CDC14B: variants seen among roughly 807,000 people sequenced by gnomAD.
CDC14B encodes the protein dual specificity protein phosphatase CDC14B.
A neutral mutation model predicts 64.2 loss-of-function variants in CDC14B; 22 were observed. The observed-to-expected ratio is 0.34, with a 90% confidence interval of 0.24 to 0.49. CDC14B has a LOEUF of 0.49. Among genes scored for constraint, CDC14B ranks in the 20% least tolerant of loss-of-function variants. The probability of loss-of-function intolerance (pLI) is 0.99; values close to 1 mark genes in which losing one functional copy is unlikely to be tolerated. For synonymous variants in CDC14B, 191 were observed against 215.8 expected (o/e 0.89, Z 1.01); for missense variants, 498 against 629.9 (o/e 0.79, Z 2.24).
intron 3 of CDC14B, among the ~76,000 whole-genome samples, chr9:96,563,743 G>A (rs1356429846): frequency 6.6e-6 from 1 of 151,250 alleles, no homozygotes; most frequent in Non-Finnish European, 1.5e-5. Context: ...AGATGGTTGA[G>A]TACAGGAAAA....
At chr9:96,611,376 A>G (rs1847312862) in intron 1 of CDC14B, among the ~76,000 whole-genome samples, 1 of 152,216 alleles carries the variant, frequency 6.6e-6, no homozygotes, top group Non-Finnish European at 1.5e-5. Flanking sequence ...CTCTAATACA[A>G]TCTCTTCCAT....
chr9:96,593,862 A>C (rs904194831), intron 1 of CDC14B, among the ~76,000 whole-genome samples: 2 of 152,200 alleles, frequency 1.3e-5, no homozygotes, highest in African/African-American at 4.8e-5. Context: ...AAAGATGATA[A>C]ACCAGATGTC....
chr9:96,578,225 T>C (rs1230402921), intron 1 of CDC14B, among the ~76,000 whole-genome samples: 3 of 152,226 alleles, frequency 2.0e-5, no homozygotes, highest in Non-Finnish European at 4.4e-5. Context: ...CATACTGTCA[T>C]AAATAAGTGA....
intron 5 of CDC14B, among the ~76,000 whole-genome samples, chr9:96,545,458 C>T (rs1840670910): frequency 6.6e-6 from 1 of 151,868 alleles, no homozygotes; most frequent in Admixed American, 6.6e-5. Flanking sequence ...ACTGGGACTA[C>T]AGGCGCCTGC....
chr9:96,603,845 T>C (rs1021458874), intron 1 of CDC14B, among the ~76,000 whole-genome samples: 3 of 152,184 alleles, frequency 2.0e-5, no homozygotes, highest in Non-Finnish European at 2.9e-5. Flanking sequence ...CTGAGTGACA[T>C]CACATGCGGT....
rs993620507 is a variant in CDC14B, at chr9:96,610,092, T to C, written c.160+9127A>G. Reference sequence around the variant, plus strand: ...AGAATTGTTTTAAATTGGAAAGATATATAGATACACACACACACACACACA... The same window carrying C: ...AGAATTGTTTTAAATTGGAAAGATACATAGATACACACACACACACACACA... On this transcript the variant is annotated intron_variant, in intron 1 of 13. Transcript: ENST00000375241. Among the ~76,000 whole-genome samples, 4 of 147,862 alleles carry C rather than the reference T, an allele frequency of 2.7e-5. No homozygotes were observed. The East Asian group carries it at 5.8e-4, about 21-fold the overall frequency.
intron 13 of CDC14B, among the ~76,000 whole-genome samples, chr9:96,504,620 G>A (rs1833881339): frequency 6.6e-6 from 1 of 152,204 alleles, no homozygotes; most frequent in Non-Finnish European, 1.5e-5. Context: ...AAACACTGGA[G>A]AGAAACAGTA....
At position 96,523,547 on chromosome 9, in the gene CDC14B, A is replaced by T. The variant is rs982429803; in HGVS notation, c.1085+40T>A. On this transcript the variant is annotated intron_variant, in intron 10 of 13. Transcript: ENST00000375241. ...CCACTCCCCATCAGATTCCAACCCC[A>T]CATGTTCCCTGGGAACTACAGACGT... The T allele has an allele frequency of 1.2e-5, 19 of 1,612,726 alleles. No homozygotes were observed. In the African/African-American group the frequency reaches 2.3e-4, roughly 19 times the overall value.
At chr9:96,590,154 C>G (rs74386666) in intron 1 of CDC14B, among the ~76,000 whole-genome samples, 1 of 152,014 alleles carries the variant, frequency 6.6e-6, no homozygotes, top group African/African-American at 2.4e-5. Flanking sequence ...TTCCCTATCC[C>G]CCAAAGGTCC....
intron 4 of CDC14B, among the ~76,000 whole-genome samples, chr9:96,560,492 G>C (rs1421010976): frequency 6.6e-6 from 1 of 151,958 alleles, no homozygotes; most frequent in Non-Finnish European, 1.5e-5. Context: ...CCAGTGACTG[G>C]CCAAGTAATA....
In CDC14B at chr9:96,539,089, C is replaced by G; in HGVS notation, c.616G>C (p.Glu206Gln). 1 of 1,604,266 alleles carries G rather than the reference C, an allele frequency of 6.2e-7. No individual in the cohort carries two copies. The highest frequency in any genetic ancestry group is 1.7e-4 in the Middle Eastern group (1 of 6,054). ...NFNSFNLDEY[E>Q]HYEKAENGDL... ...CCTTGAAGACTTACTTCATAGTGTT[C>G]ATATTCATCAAGGTTAAATGAGTTG... The change falls in exon 7 of 14, where the codon GAA becomes CAA. Residue 206 changes from glutamate to glutamine, a missense_variant. Physicochemically the swap from Glu to Gln is conservative, Grantham distance 29. Transcript: ENST00000375241.
intron 12 of CDC14B, 36 bp downstream of exon 12, chr9:96,522,470 A>C (rs1049903931): frequency 7.3e-7 from 1 of 1,367,928 alleles, no homozygotes; most frequent in African/African-American, 1.4e-5. Context: ...ACACATATGA[A>C]GAAACATCAA....
chr9:96,532,716 T>C (rs568540564), intron 9 of CDC14B, among the ~76,000 whole-genome samples: 12 of 152,318 alleles, frequency 7.9e-5, no homozygotes, highest in African/African-American at 2.9e-4. Flanking sequence ...CACGCACTGA[T>C]TCTTCTGCCT....
intron 12 of CDC14B, among the ~76,000 whole-genome samples, chr9:96,520,835 C>T (rs1345405458): frequency 1.3e-5 from 2 of 149,008 alleles, no homozygotes; most frequent in East Asian, 4.0e-4. Flanking sequence ...AATCATAACC[C>T]ATATTTCAAC....
chr9:96,560,543 CTT>C lies in CDC14B; in HGVS notation c.420+2148_420+2149del, dbSNP rs1324556218. Among the ~76,000 whole-genome samples, 8 of 150,450 alleles carry C rather than the reference CTT, an allele frequency of 5.3e-5. No homozygotes were observed. The Middle Eastern group carries it at 0.011, about 200-fold the overall frequency. On this transcript the variant is annotated intron_variant, in intron 4 of 13. Coordinates refer to ENST00000375241, the MANE Select transcript of CDC14B (RefSeq NM_033331.4). ...GTTAAAACACCCACTTCTCCATACT[CTT>C]TTTCTTTCTTGGGTTCATACATAGA...
At chr9:96,534,933 T>C (rs1839065788) in intron 7 of CDC14B, among the ~76,000 whole-genome samples, 1 of 152,228 alleles carries the variant, frequency 6.6e-6, no homozygotes, top group African/African-American at 2.4e-5. Context: ...CCTGAATGAC[T>C]AACTGGCTTC....
chr9:96,573,084 G>A (rs1352766542), intron 1 of CDC14B, among the ~76,000 whole-genome samples: 4 of 152,192 alleles, frequency 2.6e-5, no homozygotes, highest in Non-Finnish European at 4.4e-5. Flanking sequence ...CGAGGCGGGT[G>A]GATCACCTGA....
At chr9:96,606,738 G>T (rs1846969834) in intron 1 of CDC14B, among the ~76,000 whole-genome samples, 1 of 151,772 alleles carries the variant, frequency 6.6e-6, no homozygotes, top group African/African-American at 2.4e-5. Flanking sequence ...GGCTAATTTT[G>T]TATTTTTAGT....
intron 1 of CDC14B, chr9:96,566,670 G>A: frequency 3.4e-6 from 4 of 1,193,142 alleles, no homozygotes; most frequent in South Asian, 1.3e-5. Flanking sequence ...AAGGGCGGCC[G>A]GGGCCCAGAC....
Sources: allele counts gnomAD v4.1 joint callset (sites outside exome capture counted in the v4.1 genomes callset), GRCh38; gene constraint gnomAD v4.1.1; transcripts MANE v1.5; gene names NCBI Gene and HGNC (gene_info 2026-07-23, HGNC 2026-07-21).